Variants in TC2N observed in about 807,000 individuals in gnomAD.
TC2N encodes the protein tandem C2 domains, nuclear.
TC2N carries 51 observed loss-of-function variants against 61.9 expected under a neutral mutation model. The observed-to-expected ratio is 0.82, with a 90% CI of 0.66 to 1.04. The LOEUF (loss-of-function observed/expected upper bound fraction) is 1.04. Ranked by LOEUF, TC2N falls within the 50% of genes least tolerant of loss-of-function variation. The pLI, the probability that TC2N is intolerant of heterozygous loss-of-function variation, is 0.00. For synonymous variants in TC2N, 204 were observed against 192.6 expected (o/e 1.06, Z -0.49); for missense variants, 556 against 566.7 (o/e 0.98, Z 0.19).
At chr14:91,802,662 C>A (rs1886315796) in intron 3 of TC2N, among the ~76,000 whole-genome samples, 1 of 151,616 alleles carries the variant, frequency 6.6e-6, no homozygotes, top group Non-Finnish European at 1.5e-5. Context: ...TTTCTTTGCC[C>A]CATAGACAAT....
intron 1 of TC2N, among the ~76,000 whole-genome samples, chr14:91,863,185 A>G (rs1194600585): frequency 6.6e-6 from 1 of 152,230 alleles, no homozygotes; most frequent in African/African-American, 2.4e-5. Flanking sequence ...ACAAAACAAA[A>G]CTATGAGGTT....
chr14:91,843,205 C>T (rs535034955), intron 1 of TC2N, among the ~76,000 whole-genome samples: 10 of 151,350 alleles, frequency 6.6e-5, no homozygotes, highest in Non-Finnish European at 1.2e-4. Flanking sequence ...GCCCAGCAAG[C>T]GTGAGAAATA....
chr14:91,815,608 A>G (rs1886971742), intron 1 of TC2N, among the ~76,000 whole-genome samples: 1 of 151,654 alleles, frequency 6.6e-6, no homozygotes. Flanking sequence ...AGGAGGTTTT[A>G]AACATATGCG....
At chr14:91,859,896 A>G (rs1888557031) in intron 1 of TC2N, among the ~76,000 whole-genome samples, 2 of 152,212 alleles carry the variant, frequency 1.3e-5, no homozygotes, top group Admixed American at 1.3e-4. Flanking sequence ...TGTTTCTCCA[A>G]GAATTTGGTC....
intron 1 of TC2N, among the ~76,000 whole-genome samples, chr14:91,860,732 T>C (rs1888573293): frequency 6.6e-6 from 1 of 152,210 alleles, no homozygotes; most frequent in Non-Finnish European, 1.5e-5. Context: ...CTTTAAGCCA[T>C]AGCCAAATAG....
At chr14:91,796,143 A>G (rs1210800081) in intron 8 of TC2N, among the ~76,000 whole-genome samples, 2 of 152,076 alleles carry the variant, frequency 1.3e-5, no homozygotes, top group African/African-American at 4.8e-5. Context: ...TTTAATTCAG[A>G]AAGTATTCAT....
chr14:91,830,173 C>A (rs1039769796), intron 1 of TC2N, among the ~76,000 whole-genome samples: 3 of 152,070 alleles, frequency 2.0e-5, no homozygotes, highest in Admixed American at 6.5e-5. Flanking sequence ...ACCATATGAC[C>A]CAGGAATTCT....
At chr14:91,814,480 C>T (rs986773345) in intron 1 of TC2N, among the ~76,000 whole-genome samples, 2 of 147,670 alleles carry the variant, frequency 1.4e-5, no homozygotes, top group Non-Finnish European at 3.0e-5. Context: ...TAGAATGAAG[C>T]GGAGAGAGAG....
rs1888062297 is a variant in TC2N, at chr14:91,837,286, G to T, written c.-56-23461C>A. Among the ~76,000 whole-genome samples, 1 of 152,222 alleles carries T rather than the reference G, an allele frequency of 6.6e-6. No individual in the cohort carries two copies. Among genetic ancestry groups the T allele is most frequent in the South Asian group, 2.1e-4 (1 of 4,830 alleles). On this transcript the variant is annotated intron_variant, in intron 1 of 11. Transcript: ENST00000435962. The surrounding 1 kb of genome is among the most constrained non-coding windows in gnomAD (Gnocchi z 4.2). Reference sequence around the variant, plus strand: ...GCTGGAGTGTAGCGGTGCGCCCGTGGCTCAGTGCAGCCTCGACCTTCGGGG... The same window carrying T: ...GCTGGAGTGTAGCGGTGCGCCCGTGTCTCAGTGCAGCCTCGACCTTCGGGG...
chr14:91,839,215 C>T (rs1888120751), intron 1 of TC2N, among the ~76,000 whole-genome samples: 1 of 152,192 alleles, frequency 6.6e-6, no homozygotes, highest in Admixed American at 6.5e-5. Context: ...ATTTCCATCA[C>T]ACCTTTTTGA....
rs530265125 is a variant in TC2N, at chr14:91,861,136, T to C, written c.-57+6126A>G. Among the ~76,000 whole-genome samples the C allele has an allele frequency of 3.9e-5, 6 of 152,284 alleles. No individual in the cohort carries two copies. The East Asian group carries it at 1.2e-3, about 29-fold the overall frequency. ...GGAATGAGTGGAGGTAGCCTGGATC[T>C]CCGACAAGGGGTACTGGAATGAAGG... On this transcript the variant is annotated intron_variant, in intron 1 of 11. Coordinates refer to ENST00000435962, the MANE Select transcript of TC2N (RefSeq NM_001128596.3).
Position 91,782,958 on chromosome 14 carries a change from T to A in TC2N, c.*142A>T, listed in dbSNP as rs1399431852. On this transcript the variant is annotated 3_prime_UTR_variant, in exon 12 of 12. Transcript: ENST00000435962. Reference sequence around the variant, plus strand: ...CATTACATTTTCTTATCAAATTTTCTATCAGATACATTATATACCATAATT... The same window carrying A: ...CATTACATTTTCTTATCAAATTTTCAATCAGATACATTATATACCATAATT... 2 of 499,988 alleles carry A rather than the reference T, an allele frequency of 4.0e-6. No homozygotes were observed. Among genetic ancestry groups the A allele is most frequent in the Non-Finnish European group, 7.1e-6 (2 of 282,924 alleles). 31.0% of individuals were successfully genotyped at this position (499,988 alleles called of 1,614,324 possible).
intron 1 of TC2N, among the ~76,000 whole-genome samples, chr14:91,822,453 A>C (rs1267103204): frequency 1.3e-5 from 1 of 76,748 alleles, no homozygotes; most frequent in Non-Finnish European, 2.6e-5. Flanking sequence ...ATTAATAACA[A>C]AGTCATATTT....
At chr14:91,824,398 G>T (rs568651779) in intron 1 of TC2N, among the ~76,000 whole-genome samples, 1 of 152,276 alleles carries the variant, frequency 6.6e-6, no homozygotes, top group South Asian at 2.1e-4. Context: ...CCTGTCTATG[G>T]TATTCTCACA....
rs1595270777 is a variant in TC2N, at chr14:91,837,995, G to A, written c.-56-24170C>T. On this transcript the variant is annotated intron_variant, in intron 1 of 11. Transcript: ENST00000435962. This position sits in a 1 kb window ranked among gnomAD's most constrained non-coding sequence, Gnocchi z 4.2. ...ATTTAATCCTGGAAATTGCAATGTA[G>A]CTGTTATTATCTTCATTTTGCAGTT... is the stretch of plus-strand genomic sequence containing the variant. Among the ~76,000 whole-genome samples, 3 of 152,138 alleles carry A rather than the reference G, an allele frequency of 2.0e-5. No homozygotes were observed. The highest frequency in any genetic ancestry group is 7.2e-5 in the African/African-American group (3 of 41,410).
chr14:91,798,868 T>C, intron 6 of TC2N, 121 bp downstream of exon 6: 1 of 622,994 alleles, frequency 1.6e-6, no homozygotes, highest in Non-Finnish European at 2.7e-6. Context: ...AGACTTAATT[T>C]ATTATATCAA....
intron 8 of TC2N, among the ~76,000 whole-genome samples, chr14:91,794,023 G>C (rs540440812): frequency 6.6e-6 from 1 of 152,160 alleles, no homozygotes; most frequent in Non-Finnish European, 1.5e-5. Flanking sequence ...ATAAGAAAGT[G>C]AAACAGCCTT....
intron 4 of TC2N, among the ~76,000 whole-genome samples, chr14:91,801,424 CAGG>C (rs1372399564): frequency 6.6e-6 from 1 of 152,170 alleles, no homozygotes; most frequent in African/African-American, 2.4e-5. Flanking sequence ...GAGGCCAAGG[CAGG>C]AGGATTGCTT....
intron 1 of TC2N, among the ~76,000 whole-genome samples, chr14:91,857,904 A>G (rs1888512509): frequency 6.6e-6 from 1 of 152,190 alleles, no homozygotes; most frequent in Non-Finnish European, 1.5e-5. Context: ...ATATTTAACC[A>G]GCTCAGTGCC....
Sources: gnomAD v4.1 joint callset for allele counts (sites outside exome capture counted in the v4.1 genomes callset) on GRCh38, gnomAD v4.1.1 for gene constraint, Gnocchi (gnomAD v3.1) non-coding constraint, MANE v1.5 for transcripts, NCBI Gene and HGNC (gene_info 2026-07-23, HGNC 2026-07-21) for gene names.